Variants in CRYGB observed in about 807,000 individuals in gnomAD.
The protein encoded by CRYGB is gamma-crystallin B.
Under a neutral mutation model 21.3 loss-of-function variants are expected in CRYGB, and 19 were observed. The observed-to-expected ratio is 0.89, with a 90% confidence interval of 0.62 to 1.31. CRYGB has a LOEUF of 1.31. CRYGB is among the 50% of genes most tolerant of loss of function. The probability of loss-of-function intolerance (pLI) is 0.00; values close to 1 mark genes in which losing one functional copy is unlikely to be tolerated. For synonymous variants in CRYGB, 81 were observed against 81.2 expected (o/e 1.00, Z 0.01); for missense variants, 254 against 228.4 (o/e 1.11, Z -0.72).
chr2:208,145,248 GTTA>G lies in CRYGB; in HGVS notation c.252+523_252+525del, dbSNP rs1183405439. Reference sequence around the variant, plus strand: ...GTTTGTTGTTGTTGTTGTTGTTGTTGTTATTGTCGTTTTGAGATGGAGTCTCAC... The same window carrying G: ...GTTTGTTGTTGTTGTTGTTGTTGTTGTTGTCGTTTTGAGATGGAGTCTCAC... On this transcript the variant is annotated intron_variant, in intron 2 of 2. Coordinates refer to ENST00000260988, the MANE Select transcript of CRYGB (RefSeq NM_005210.4). Among the ~76,000 whole-genome samples the G allele has an allele frequency of 1.3e-3, 25 of 18,570 alleles. 1 individual carries two copies. Among genetic ancestry groups the G allele is most frequent in the East Asian group, 7.2e-3 (8 of 1,114 alleles). The allele number at this position is 18,570 out of a possible 152,430, so 12.2% of individuals were successfully genotyped here.
chr2:208,143,344 A>C lies in CRYGB; in HGVS notation c.253-431T>G, dbSNP rs370118159. ...TTAGGGCAAACCTGTCTCCCATTCT[A>C]TTCAAAGTCATCCCTCTGAGGCTCA... On this transcript the variant is annotated intron_variant, in intron 2 of 2. Transcript: ENST00000260988. Among the ~76,000 whole-genome samples the C allele has an allele frequency of 3.9e-5, 6 of 152,306 alleles. No homozygotes were observed. The East Asian group carries it at 1.2e-3, about 29-fold the overall frequency.
rs1695468079 is a variant in CRYGB at position 208,146,124 on chromosome 2, G to T, written c.-4C>A. 1 of 1,614,146 alleles carries T rather than the reference G, an allele frequency of 6.2e-7. No homozygotes were observed. Among genetic ancestry groups the T allele is most frequent in the Non-Finnish European group, 8.5e-7 (1 of 1,180,012 alleles). On this transcript the variant is annotated 5_prime_UTR_variant, in exon 1 of 3. Transcript: ENST00000260988. Reference sequence around the variant, plus strand: ...ACCCAGGACTTACCTTTCCCATTTTGAAGGAAGTGAGCAGATGTTTTCTGG... The same window carrying T: ...ACCCAGGACTTACCTTTCCCATTTTTAAGGAAGTGAGCAGATGTTTTCTGG...
intron 2 of CRYGB, among the ~76,000 whole-genome samples, chr2:208,143,791 G>GCCACGCGCCCAGCT (rs1695402736): frequency 6.6e-6 from 1 of 152,034 alleles, no homozygotes; most frequent in African/African-American, 2.4e-5. Context: ...ACAGGGGTGA[G>GCCACGCGCCCAGCT]CCACGCGCCC....
At chr2:208,145,688 C>CAAAAAA in intron 2 of CRYGB, 86 bp downstream of exon 2, 2 of 1,284,642 alleles carry the variant, frequency 1.6e-6, no homozygotes, top group Non-Finnish European at 2.0e-6. Flanking sequence ...GACTCCGCCT[C>CAAAAAA]AAAAAAAAAA....
chr2:208,142,917 G>C lies in CRYGB; in HGVS notation c.253-4C>G. 1 of 1,586,386 alleles carries C rather than the reference G, an allele frequency of 6.3e-7. No homozygotes were observed. Among genetic ancestry groups the C allele is most frequent in the Non-Finnish European group, 8.6e-7 (1 of 1,166,302 alleles). ...TCATTCTGTAAGCGCCAGAGTGCTG[G>C]AGTGGCAGACAGAAAACGCAAGAGT... On this transcript the variant is annotated splice_region_variant and splice_polypyrimidine_tract_variant and intron_variant, in intron 2 of 2. Transcript: ENST00000260988.
Position 208,142,874 on chromosome 2 carries a change from CA to C in CRYGB, c.291del (p.Asp97GlufsTer3). On this transcript the variant is annotated frameshift_variant, in exon 3 of 3. Transcript: ENST00000260988. LOFTEE classifies it high-confidence loss of function. ...AGCTCTGACATTTGTCCCCTCAATTCATCTCTGTCGTAGATCTTCATTCTGT... is the reference window on the plus strand; with the variant it reads ...AGCTCTGACATTTGTCCCCTCAATTCTCTCTGTCGTAGATCTTCATTCTGT... ...GAYRMKIYDR[D>X]ELRGQMSELT... is the part of the protein sequence containing the mutation. 6.2e-7 allele frequency: 1 copy of C among 1,613,062 alleles called. No homozygotes were observed. The highest frequency in any genetic ancestry group is 8.5e-7 in the Non-Finnish European group (1 of 1,179,616).
chr2:208,143,444 C>A (rs991886552), intron 2 of CRYGB, among the ~76,000 whole-genome samples: 1 of 150,392 alleles, frequency 6.6e-6, no homozygotes, highest in African/African-American at 2.4e-5. Context: ...TCGAGCCAGA[C>A]TAAATTGTGT....
intron 2 of CRYGB, among the ~76,000 whole-genome samples, chr2:208,143,607 A>T (rs965018555): frequency 8.5e-6 from 1 of 118,004 alleles, no homozygotes; most frequent in African/African-American, 2.8e-5. Context: ...GGTTCAAGTG[A>T]TTCTCCTGCC....
At position 208,143,043 on chromosome 2, in the gene CRYGB, C is replaced by A. The variant is rs1161459732; in HGVS notation, c.253-130G>T. On this transcript the variant is annotated intron_variant, in intron 2 of 2. Coordinates refer to ENST00000260988, the MANE Select transcript of CRYGB (RefSeq NM_005210.4). ...CAGGCCAAGTTTGCTTCTAGAACAA[C>A]CCTGTTGCAAAGTTAAGGAGCTGTC... 1.8e-5 allele frequency: 18 copies of A among 997,768 alleles called. No individual in the cohort carries two copies. In the East Asian group the frequency reaches 3.0e-4, roughly 17 times the overall value. The allele number at this position is 997,768 out of a possible 1,614,324, so 61.8% of individuals were successfully genotyped here.
At chr2:208,142,942 TAAAC>T (rs1695383058) in intron 2 of CRYGB, 29 bp from the exon 3 acceptor site, 3 of 1,555,796 alleles carry the variant, frequency 1.9e-6, no homozygotes, top group Non-Finnish European at 2.6e-6. Context: ...AACGCAAGAG[TAAAC>T]AAACAAAAAC....
intron 2 of CRYGB, 117 bp from the exon 3 acceptor site, chr2:208,143,030 G>T: frequency 8.5e-7 from 1 of 1,177,540 alleles, no homozygotes; most frequent in Non-Finnish European, 1.2e-6. Context: ...GGCCAAGTTT[G>T]CTTCTAGAAC....
intron 2 of CRYGB, among the ~76,000 whole-genome samples, chr2:208,143,188 C>A (rs1354811653): frequency 3.3e-5 from 5 of 152,146 alleles, no homozygotes; most frequent in Non-Finnish European, 2.9e-5. Context: ...TTTGAGAAAG[C>A]CTTTCTCAAA....
intron 2 of CRYGB, among the ~76,000 whole-genome samples, chr2:208,143,385 T>A (rs189443811): frequency 2.0e-5 from 3 of 152,210 alleles, no homozygotes; most frequent in South Asian, 4.1e-4. Context: ...GACAAATGCA[T>A]CTCTGATTGC....
Position 208,146,144 on chromosome 2 carries a change from T to C in CRYGB, c.-24A>G, listed in dbSNP as rs1288962991. ...ATTTTGAAGGAAGTGAGCAGATGTT[T>C]TCTGGTTGCTGTGTGGGACTGCGGG... On this transcript the variant is annotated 5_prime_UTR_variant, in exon 1 of 3. Transcript: ENST00000260988. 6 of 1,613,784 alleles carry C rather than the reference T, an allele frequency of 3.7e-6. No individual in the cohort carries two copies. In the South Asian group the frequency reaches 5.5e-5, roughly 15 times the overall value.
chr2:208,144,105 C>T lies in CRYGB; in HGVS notation c.253-1192G>A, dbSNP rs1334944488. On this transcript the variant is annotated intron_variant, in intron 2 of 2. Transcript: ENST00000260988. ...GCGTGATCTCGGCTCACCACAACCT[C>T]TGCCACCCAAGTTCAAGCAATTCTC... Among the ~76,000 whole-genome samples, 3 of 148,908 alleles carry T rather than the reference C, an allele frequency of 2.0e-5. No homozygotes were observed. In the East Asian group the frequency reaches 5.9e-4, roughly 29 times the overall value.
At chr2:208,143,804 C>G (rs1453553466) in intron 2 of CRYGB, among the ~76,000 whole-genome samples, 1 of 151,772 alleles carries the variant, frequency 6.6e-6, no homozygotes. Flanking sequence ...ACGCGCCCAG[C>G]TCTGTTTCTT....
At chr2:208,144,833 G>A (rs531152244) in intron 2 of CRYGB, among the ~76,000 whole-genome samples, 9 of 151,854 alleles carry the variant, frequency 5.9e-5, no homozygotes, top group East Asian at 5.8e-4. Flanking sequence ...TCCTGACCTC[G>A]GCCTCCCAAA....
At chr2:208,145,709 AAAG>A in intron 2 of CRYGB, 62 bp downstream of exon 2, 34 of 1,519,184 alleles carry the variant, frequency 2.2e-5, no homozygotes, top group Admixed American at 2.0e-4. Context: ...AAAAAAAAAA[AAAG>A]AATATCATGA....
rs200205334 is a variant in CRYGB, at chr2:208,145,251, A to ATTGTTG, written c.252+522_252+523insCAACAA. 3.3e-5 allele frequency among the ~76,000 whole-genome samples: 5 copies of ATTGTTG among 150,514 alleles called. No individual in the cohort carries two copies. The South Asian group carries it at 1.0e-3, about 31-fold the overall frequency. On this transcript the variant is annotated intron_variant, in intron 2 of 2. Coordinates refer to ENST00000260988, the MANE Select transcript of CRYGB (RefSeq NM_005210.4). ...TGTTGTTGTTGTTGTTGTTGTTGTT[A>ATTGTTG]TTGTCGTTTTGAGATGGAGTCTCAC... is the stretch of plus-strand genomic sequence containing the variant.
Sources: allele counts gnomAD v4.1 joint callset (sites outside exome capture counted in the v4.1 genomes callset), GRCh38; gene constraint gnomAD v4.1.1; transcripts MANE v1.5; gene names NCBI Gene and HGNC (gene_info 2026-07-23, HGNC 2026-07-21).